Variants in SYNE1 observed in about 807,000 individuals in gnomAD.
The protein encoded by SYNE1 is spectrin repeat containing nuclear envelope protein 1.
A neutral mutation model predicts 1,111.0 loss-of-function variants in SYNE1; 616 were observed. The ratio of observed to expected loss-of-function variants is 0.55; its 90% CI spans 0.52 to 0.59. SYNE1 has a LOEUF of 0.59. Ranked by LOEUF, SYNE1 falls within the 20% of genes least tolerant of loss-of-function variation. SYNE1 has a pLI of 0.00. For synonymous variants in SYNE1, 3,855 were observed against 3,825.8 expected, an observed-to-expected ratio of 1.01 and a Z score of -0.28; for missense variants, 10,006 against 10,417.0, an observed-to-expected ratio of 0.96 and a Z score of 1.72.
intron 63 of SYNE1, among the ~76,000 whole-genome samples, chr6:152,364,418 C>A (rs919518576): frequency 1.9e-4 from 28 of 150,922 alleles, no homozygotes; most frequent in Non-Finnish European, 8.8e-5. Context: ...AAGTCCACTA[C>A]TTGGTTTTAA....
At chr6:152,442,993 T>C (rs34553054) in intron 30 of SYNE1, among the ~76,000 whole-genome samples, 1 of 152,146 alleles carries the variant, frequency 6.6e-6, no homozygotes, top group African/African-American at 2.4e-5. Context: ...TTCGGAATGG[T>C]TAATTTGCTG....
intron 133 of SYNE1, among the ~76,000 whole-genome samples, chr6:152,152,528 T>C (rs564417087): frequency 4.6e-4 from 70 of 152,274 alleles, no homozygotes; most frequent in African/African-American, 1.6e-3. Context: ...TGTGGAAATG[T>C]GAGTTTGAAA....
At chr6:152,380,052 G>A (rs958986730) in intron 56 of SYNE1, among the ~76,000 whole-genome samples, 12 of 152,134 alleles carry the variant, frequency 7.9e-5, no homozygotes, top group Non-Finnish European at 7.3e-5. Context: ...TAAAGGACAG[G>A]AAATGGAACA....
At chr6:152,171,180 T>G (rs1198523670) in intron 130 of SYNE1, among the ~76,000 whole-genome samples, 1 of 152,256 alleles carries the variant, frequency 6.6e-6, no homozygotes, top group Non-Finnish European at 1.5e-5. Context: ...CTAATCATTC[T>G]TCTGAGCTAG....
intron 91 of SYNE1, 133 bp from the exon 92 acceptor site, chr6:152,302,196 G>C: frequency 8.3e-7 from 1 of 1,200,642 alleles, no homozygotes; most frequent in South Asian, 1.3e-5. Context: ...GGATGTGTAG[G>C]CGGCGAGTCC....
chr6:152,490,095 C>G (rs561648459), intron 11 of SYNE1, among the ~76,000 whole-genome samples: 1 of 152,130 alleles, frequency 6.6e-6, no homozygotes, highest in East Asian at 1.9e-4. Flanking sequence ...ATAAAAATAA[C>G]AATACAGCAA....
At chr6:152,282,060 A>C in intron 96 of SYNE1, 80 bp from the exon 97 acceptor site, 1 of 1,451,082 alleles carries the variant, frequency 6.9e-7, no homozygotes. Flanking sequence ...CAATGGTTCC[A>C]GGCCCTGGCT....
intron 6 of SYNE1, among the ~76,000 whole-genome samples, chr6:152,518,400 T>C (rs2099123019): frequency 6.6e-6 from 1 of 151,948 alleles, no homozygotes; most frequent in South Asian, 2.1e-4. Flanking sequence ...GAGTGAGTTC[T>C]CGTAAGACGT....
At chr6:152,371,930 C>A (rs4989384) in intron 59 of SYNE1, among the ~76,000 whole-genome samples, 3,781 of 36,446 alleles carry the variant, frequency 0.1, 611 homozygotes, top group African/African-American at 0.28. Flanking sequence ...AAGGACAGGA[C>A]AGGACAGGAA....
chr6:152,243,106 T>A (rs2086177337), intron 106 of SYNE1, among the ~76,000 whole-genome samples: 1 of 152,254 alleles, frequency 6.6e-6, no homozygotes, highest in Non-Finnish European at 1.5e-5. Context: ...TTTCTCAGGA[T>A]ATCAATAGTT....
At chr6:152,554,068 T>C (rs2099356996) in intron 3 of SYNE1, among the ~76,000 whole-genome samples, 1 of 151,962 alleles carries the variant, frequency 6.6e-6, no homozygotes, top group East Asian at 2.0e-4. Context: ...GGGGAGAGGC[T>C]CAGCTGTGAG....
chr6:152,203,654 C>T (rs920488211), intron 126 of SYNE1, among the ~76,000 whole-genome samples: 5 of 152,118 alleles, frequency 3.3e-5, no homozygotes, highest in African/African-American at 7.2e-5. Context: ...AGCATAACAA[C>T]CCAGAGGTGT....
chr6:152,360,311 C>T (rs1424328369), intron 64 of SYNE1, among the ~76,000 whole-genome samples: 66 of 152,192 alleles, frequency 4.3e-4, no homozygotes, highest in Admixed American at 4.3e-3. Context: ...TGTTTCCTCA[C>T]AGCTCCCCAC....
At chr6:152,307,337 T>A (rs1396553462) in intron 91 of SYNE1, among the ~76,000 whole-genome samples, 1 of 152,214 alleles carries the variant, frequency 6.6e-6, no homozygotes. Flanking sequence ...AGATTTTTCA[T>A]CCTTACAAAG....
Position 152,632,859 on chromosome 6 carries a change from T to C in SYNE1, c.-224+3779A>G, listed in dbSNP as rs183221451. Among the ~76,000 whole-genome samples, 738 of 152,324 alleles carry C rather than the reference T, an allele frequency of 4.8e-3. 9 individuals carry two copies. Among genetic ancestry groups the C allele is most frequent in the South Asian group, 0.014 (70 of 4,834 alleles). On this transcript the variant is annotated intron_variant, in intron 2 of 145. Transcript: ENST00000367255. ...CATGTAGCAGAGTTTCAGCAAATAC[T>C]AGTTTCCATTTTCCTTCCCCTGTTC... is the stretch of plus-strand genomic sequence containing the variant.
intron 52 of SYNE1, 76 bp downstream of exon 52, chr6:152,391,201 A>T (rs1011418494): frequency 3.7e-6 from 6 of 1,600,004 alleles, no homozygotes; most frequent in Non-Finnish European, 5.1e-6. Context: ...AACAATTAGG[A>T]CACAACACAA....
rs147176678 is a variant in SYNE1, at chr6:152,451,113, A to T, written c.3120T>A (p.Thr1040=). Residue 1040 remains threonine, a synonymous_variant, in exon 26 of 146, where the codon ACT becomes ACA. Transcript: ENST00000367255. ...RFLASVEECR[T]ELDRETKLMP... Reference sequence around the variant, plus strand: ...TCAGCTTGGTCTCTCGATCCAGCTCAGTTCTGCATTCTTCTACAGAGGCTA... The same window carrying T: ...TCAGCTTGGTCTCTCGATCCAGCTCTGTTCTGCATTCTTCTACAGAGGCTA... The T allele has an allele frequency of 3.4e-4, 546 of 1,614,148 alleles. 2 individuals are homozygous for T. In the African/African-American group the frequency reaches 6.6e-3, roughly 19 times the overall value.
chr6:152,273,360 C>T lies in SYNE1; in HGVS notation c.18574-4074G>A, dbSNP rs181253496. ...TTATTGTTATTAATTATTTTAACTGCTGCAATTTGAGCATTTATTGTATTA... is the reference window on the plus strand; with the variant it reads ...TTATTGTTATTAATTATTTTAACTGTTGCAATTTGAGCATTTATTGTATTA... On this transcript the variant is annotated intron_variant, in intron 98 of 145. Coordinates refer to ENST00000367255, the MANE Select transcript of SYNE1 (RefSeq NM_182961.4). Among the ~76,000 whole-genome samples the T allele has an allele frequency of 7.8e-3, 1,187 of 152,318 alleles. 16 individuals are homozygous for T. Among genetic ancestry groups the T allele is most frequent in the African/African-American group, 0.026 (1,101 of 41,568 alleles).
chr6:152,258,726 C>A (rs191336179), intron 101 of SYNE1, among the ~76,000 whole-genome samples: 1 of 151,684 alleles, frequency 6.6e-6, no homozygotes. Flanking sequence ...CAAACTCAGT[C>A]TCCTTTTTCT....
Sources: gnomAD v4.1 joint callset for allele counts (sites outside exome capture counted in the v4.1 genomes callset) on GRCh38, gnomAD v4.1.1 for gene constraint, MANE v1.5 for transcripts, NCBI Gene and HGNC (gene_info 2026-07-23, HGNC 2026-07-21) for gene names.